Variants in AGBL3 observed in about 807,000 individuals in gnomAD.
AGBL3 encodes the protein AGBL carboxypeptidase 3, also known as cytosolic carboxypeptidase 3.
In AGBL3, 68 loss-of-function variants were observed where a neutral mutation model predicts 94.5. The ratio of observed to expected loss-of-function variants is 0.72; its 90% CI spans 0.59 to 0.88. The LOEUF (loss-of-function observed/expected upper bound fraction) is 0.88, where lower values mean the gene tolerates loss of function less well. AGBL3 is among the 40% of genes least tolerant of loss of function. AGBL3 has a pLI of 0.00. For synonymous variants in AGBL3, 354 were observed against 370.7 expected (o/e 0.95, Z 0.52); for missense variants, 934 against 1,103.8 (o/e 0.85, Z 2.18).
intron 16 of AGBL3, among the ~76,000 whole-genome samples, chr7:135,119,529 C>T (rs1034531122): frequency 2.0e-5 from 3 of 151,366 alleles, no homozygotes; most frequent in Non-Finnish European, 4.4e-5. Flanking sequence ...CATGCCCATT[C>T]CCCAAAATTT....
Position 135,039,876 on chromosome 7 carries a change from T to C in AGBL3, c.1500+2296T>C, listed in dbSNP as rs79746284. Among the ~76,000 whole-genome samples, 1,498 of 150,860 alleles carry C rather than the reference T, an allele frequency of 9.9e-3. 20 individuals carry two copies. The highest frequency in any genetic ancestry group is 0.034 in the African/African-American group (1,413 of 41,070). ...AATGAAATTGGAAAATGAGAGACAA[T>C]GAAAAAAAATCAATTAAGCAACATT... On this transcript the variant is annotated intron_variant, in intron 8 of 16. Transcript: ENST00000436302.
rs1156497879 is a variant in AGBL3 at position 135,088,190 on chromosome 7, A to G, written c.2110+6400A>G. 2.0e-5 allele frequency among the ~76,000 whole-genome samples: 3 copies of G among 152,074 alleles called. No individual in the cohort carries two copies. In the East Asian group the frequency reaches 5.8e-4, roughly 29 times the overall value. ...AATATTTTTTCCATCCCTTCAGTTC[A>G]GCCTAAATGTGTCTTTATGGTGAAA... is the stretch of plus-strand genomic sequence containing the variant. On this transcript the variant is annotated intron_variant, in intron 15 of 16. Coordinates refer to ENST00000436302, the MANE Select transcript of AGBL3 (RefSeq NM_178563.4).
chr7:135,088,560 A>G (rs1390843228), intron 15 of AGBL3, among the ~76,000 whole-genome samples: 1 of 152,180 alleles, frequency 6.6e-6, no homozygotes, highest in Non-Finnish European at 1.5e-5. Flanking sequence ...ATTTCTTGTA[A>G]GACCAGTCTA....
chr7:135,088,402 A>G (rs1172405759), intron 15 of AGBL3, among the ~76,000 whole-genome samples: 1 of 151,730 alleles, frequency 6.6e-6, no homozygotes, highest in African/African-American at 2.4e-5. Context: ...ATTGTTTATC[A>G]TTGTCATTTA....
At chr7:135,096,742 TGAAAGAAAGAAAGAAAGAAAGAAAGAAA>T (rs3038284) in intron 15 of AGBL3, among the ~76,000 whole-genome samples, 1 of 101,068 alleles carries the variant, frequency 9.9e-6, no homozygotes, top group African/African-American at 3.8e-5. Context: ...AGAGAAAGAA[TGAAAGAAAGAAAGAAAGAAAGAAAGAAA>T]GAAAGAAAGA....
chr7:135,091,358 T>G (rs1277796603), intron 15 of AGBL3, among the ~76,000 whole-genome samples: 2 of 152,122 alleles, frequency 1.3e-5, no homozygotes, highest in Non-Finnish European at 2.9e-5. Flanking sequence ...CTACACATAC[T>G]CAAGTCCCAC....
At chr7:135,021,434 G>A (rs1229442029) in intron 5 of AGBL3, among the ~76,000 whole-genome samples, 3 of 151,750 alleles carry the variant, frequency 2.0e-5, no homozygotes, top group South Asian at 2.1e-4. Flanking sequence ...TGGGACTACA[G>A]GCGCCCACCA....
At chr7:135,010,137 G>A (rs146090775) in intron 4 of AGBL3, 10,047 of 402,924 alleles carry the variant, frequency 0.025, 214 homozygotes, top group Middle Eastern at 0.046. Context: ...CAAGCGATTC[G>A]CCTGCTTCAG....
intron 3 of AGBL3, among the ~76,000 whole-genome samples, chr7:134,991,231 A>C (rs2718155): frequency 0.059 from 8,696 of 148,356 alleles, 914 homozygotes; most frequent in African/African-American, 0.21. Flanking sequence ...ATTTCAGTTA[A>C]GTTTTCATAG....
intron 12 of AGBL3, among the ~76,000 whole-genome samples, chr7:135,061,197 G>T (rs1818812091): frequency 6.6e-6 from 1 of 151,766 alleles, no homozygotes; most frequent in African/African-American, 2.4e-5. Flanking sequence ...TTGTTCTTTT[G>T]ACAAGTATCT....
intron 3 of AGBL3, among the ~76,000 whole-genome samples, chr7:134,992,459 C>A (rs1384500064): frequency 6.6e-6 from 1 of 152,124 alleles, no homozygotes; most frequent in Non-Finnish European, 1.5e-5. Flanking sequence ...CTGAAATTAT[C>A]TTGTTTTCCT....
At chr7:135,102,378 TATTC>T (rs1823965936) in intron 15 of AGBL3, among the ~76,000 whole-genome samples, 1 of 152,216 alleles carries the variant, frequency 6.6e-6, no homozygotes, top group Non-Finnish European at 1.5e-5. Flanking sequence ...ACAGTCATTC[TATTC>T]ATTAATTCTT....
rs150608330 is a variant in AGBL3, at chr7:135,101,346, A to T, written c.2111-14034A>T. 8.0e-5 allele frequency: 34 copies of T among 424,812 alleles called. 1 individual carries two copies. In the East Asian group the frequency reaches 2.2e-3, roughly 28 times the overall value. The allele number at this position is 424,812 out of a possible 1,614,324, so 26.3% of individuals were successfully genotyped here. ...GATGGTTTTCACTATATCATCATTA[A>T]CATATCCTATGAAACTTGGATTATG... On this transcript the variant is annotated intron_variant, in intron 15 of 16. Coordinates refer to ENST00000436302, the MANE Select transcript of AGBL3 (RefSeq NM_178563.4).
intron 3 of AGBL3, 40 bp from the exon 4 acceptor site, chr7:134,993,453 C>A (rs1193604571): frequency 2.7e-6 from 4 of 1,462,144 alleles, no homozygotes; most frequent in Middle Eastern, 1.8e-4. Context: ...TGGTATTTTT[C>A]TTCTTCCCAC....
intron 11 of AGBL3, among the ~76,000 whole-genome samples, chr7:135,049,182 C>T (rs1055039286): frequency 1.3e-5 from 2 of 151,842 alleles, no homozygotes; most frequent in African/African-American, 2.4e-5. Context: ...TTGAGAGGAT[C>T]ATGGATTTTT....
intron 12 of AGBL3, among the ~76,000 whole-genome samples, chr7:135,060,452 G>A (rs1818728061): frequency 1.3e-5 from 2 of 152,080 alleles, no homozygotes; most frequent in African/African-American, 4.8e-5. Context: ...ATAATACATT[G>A]TTGTTAACTA....
At position 135,045,827 on chromosome 7, in the gene AGBL3, A is replaced by G. The variant is rs1231829854; in HGVS notation, c.1757A>G (p.Glu586Gly). ...KYYRCLKELE[E>G]MERHITLEKV... ...TATCGGTGCCTGAAAGAATTAGAAG[A>G]AATGGAAAGACATATAACCCTGGAA... The change falls in exon 11 of 17, where the codon GAA becomes GGA. Residue 586 changes from glutamate (E) to glycine (G), a missense_variant. Glu to Gly is a moderately conservative substitution (Grantham distance 98, BLOSUM62 -2). Coordinates refer to ENST00000436302, the MANE Select transcript of AGBL3 (RefSeq NM_178563.4). 2 of 1,550,540 alleles carry G rather than the reference A, an allele frequency of 1.3e-6. No homozygotes were observed. Among genetic ancestry groups the G allele is most frequent in the East Asian group, 4.9e-5 (2 of 40,882 alleles).
At chr7:135,027,933 C>G (rs748257816) in intron 5 of AGBL3, among the ~76,000 whole-genome samples, 2 of 151,664 alleles carry the variant, frequency 1.3e-5, no homozygotes, top group Non-Finnish European at 2.9e-5. Context: ...TTCCAGACCA[C>G]TGCAATAAAG....
At chr7:135,050,658 A>G (rs1223795271) in intron 11 of AGBL3, among the ~76,000 whole-genome samples, 4 of 151,984 alleles carry the variant, frequency 2.6e-5, no homozygotes, top group African/African-American at 9.7e-5. Flanking sequence ...TTATCATTAC[A>G]TAATATCTTT....
Sources: gnomAD v4.1 joint callset for allele counts (sites outside exome capture counted in the v4.1 genomes callset) on GRCh38, gnomAD v4.1.1 for gene constraint, MANE v1.5 for transcripts, NCBI Gene and HGNC (gene_info 2026-07-23, HGNC 2026-07-21) for gene names.